FN1: variants seen among roughly 807,000 people sequenced by gnomAD.
FN1 encodes fibronectin.
In FN1, 106 loss-of-function variants were observed where a neutral mutation model predicts 297.3. The observed-to-expected ratio is 0.36, with a 90% CI of 0.30 to 0.42. The LOEUF is 0.42. Among genes scored for constraint, FN1 ranks in the 10% least tolerant of loss-of-function variants. The pLI is 1.00. For synonymous variants in FN1, 1,149 were observed against 1,152.6 expected (o/e 1.00, Z 0.06); for missense variants, 2,690 against 3,124.9 (o/e 0.86, Z 3.32).
In FN1 at chr2:215,401,238, GAAAGAAAGA is replaced by G. The variant is rs1468934882; in HGVS notation, c.3254-1896_3254-1888del. On this transcript the variant is annotated intron_variant, in intron 20 of 45. Coordinates refer to ENST00000354785, the MANE Select transcript of FN1 (RefSeq NM_212482.4). ...AGAAAGAAAGAAAGAAAGAAAGAAAGAAAGAAAGAAAGGAAGAAAGAAAGGAAGGAAAGG... is the reference window on the plus strand; with the variant it reads ...AGAAAGAAAGAAAGAAAGAAAGAAAGAAGGAAGAAAGAAAGGAAGGAAAGG... Among the ~76,000 whole-genome samples, 40 of 55,088 alleles carry G rather than the reference GAAAGAAAGA, an allele frequency of 7.3e-4. 1 individual carries two copies. Among genetic ancestry groups the G allele is most frequent in the Admixed American group, 1.1e-3 (6 of 5,394 alleles). 36.1% of individuals were successfully genotyped at this position (55,088 alleles called of 152,430 possible).
At chr2:215,414,794 A>G (rs2106350097) in intron 13 of FN1, 43 bp downstream of exon 13, 1 of 1,613,274 alleles carries the variant, frequency 6.2e-7, no homozygotes, top group Non-Finnish European at 8.5e-7. Flanking sequence ...AATTGATAAG[A>G]TTAGGAGACT....
chr2:215,376,681 A>C lies in FN1; in HGVS notation c.5711-7T>G. Reference sequence around the variant, plus strand: ...CTTCTTGGTGGGCTGACATCTGCACAGGAGCATAGCTAGAGATTAGTGCCT... The same window carrying C: ...CTTCTTGGTGGGCTGACATCTGCACCGGAGCATAGCTAGAGATTAGTGCCT... On this transcript the variant is annotated splice_region_variant and splice_polypyrimidine_tract_variant and intron_variant, in intron 35 of 45. Coordinates refer to ENST00000354785, the MANE Select transcript of FN1 (RefSeq NM_212482.4). 1 of 1,613,388 alleles carries C rather than the reference A, an allele frequency of 6.2e-7. No individual in the cohort carries two copies. Among genetic ancestry groups the C allele is most frequent in the Non-Finnish European group, 8.5e-7 (1 of 1,179,868 alleles).
chr2:215,401,532 A>G (rs2061170359), intron 20 of FN1, among the ~76,000 whole-genome samples: 1 of 152,186 alleles, frequency 6.6e-6, no homozygotes, highest in Admixed American at 6.5e-5. Context: ...TGACATCTCC[A>G]CAATTCTTCC....
chr2:215,431,536 A>C (rs191024487), intron 4 of FN1, among the ~76,000 whole-genome samples: 1 of 152,338 alleles, frequency 6.6e-6, no homozygotes, highest in Admixed American at 6.5e-5. Flanking sequence ...ATCTTGACGA[A>C]GGAGGAATCT....
intron 6 of FN1, among the ~76,000 whole-genome samples, chr2:215,427,419 G>A (rs2065659914): frequency 6.6e-6 from 1 of 152,144 alleles, no homozygotes; most frequent in African/African-American, 2.4e-5. Context: ...AATGAGAGGA[G>A]TGCACGTCCT....
In FN1 at chr2:215,361,588, A is replaced by C. The variant is rs757979640; in HGVS notation, c.7401T>G (p.Asp2467Glu). ...NCPIECFMPL[D>E]VQADREDSRE ...GGGAATCTTCTCTGTCAGCCTGTAC[A>C]TCTAAAGGCATGAAGCACTCAATTG... Residue 2467 changes from aspartate (D) to glutamate (E), a missense_variant, in exon 46 of 46, where the codon GAT becomes GAG. Transcript: ENST00000354785. The C allele has an allele frequency of 6.2e-7, 1 of 1,612,962 alleles. No individual in the cohort carries two copies. Among genetic ancestry groups the C allele is most frequent in the Non-Finnish European group, 8.5e-7 (1 of 1,178,912 alleles).
At chr2:215,372,755 C>T (rs1283067044) in intron 39 of FN1, among the ~76,000 whole-genome samples, 2 of 152,156 alleles carry the variant, frequency 1.3e-5, no homozygotes, top group Non-Finnish European at 2.9e-5. Flanking sequence ...CCAGACTAAT[C>T]ATATCAGTGT....
intron 16 of FN1, 49 bp downstream of exon 16, chr2:215,408,249 T>G: frequency 6.2e-7 from 1 of 1,613,710 alleles, no homozygotes; most frequent in Non-Finnish European, 8.5e-7. Context: ...ACTACAGGCC[T>G]GTGTTTTACA....
At position 215,371,997 on chromosome 2, in the gene FN1, TGAGA is replaced by T; in HGVS notation, c.6622_6625del (p.Ser2208ArgfsTer42). 2 of 1,614,226 alleles carry T rather than the reference TGAGA, an allele frequency of 1.2e-6. No homozygotes were observed. Among genetic ancestry groups the T allele is most frequent in the South Asian group, 2.2e-5 (2 of 91,092 alleles). ...GAATGGGGCCCATGAGATGGTTGTC[TGAGA>T]GAGAGCTTCTTGTCCTGTAGAGGCA... On this transcript the variant is annotated frameshift_variant, in exon 40 of 46. Transcript: ENST00000354785. LOFTEE classifies it high-confidence loss of function.
chr2:215,383,750 T>G (rs955550420), intron 30 of FN1, among the ~76,000 whole-genome samples: 4 of 152,240 alleles, frequency 2.6e-5, no homozygotes, highest in Non-Finnish European at 2.9e-5. Context: ...TCATCCATTC[T>G]TTTCCCACAA....
intron 38 of FN1, among the ~76,000 whole-genome samples, chr2:215,373,853 T>C (rs1317440759): frequency 6.6e-6 from 1 of 151,908 alleles, no homozygotes; most frequent in Non-Finnish European, 1.5e-5. Flanking sequence ...TAATTTTGTT[T>C]TTGTATTTTT....
In FN1 at chr2:215,404,344, A is replaced by C. The variant is rs753764348; in HGVS notation, c.3253+45T>G. 1.1e-5 allele frequency: 17 copies of C among 1,542,532 alleles called. No homozygotes were observed. The Admixed American group carries it at 2.8e-4, about 26-fold the overall frequency. ...TTTTGTTTTAAAGCATGAAGAATAGAGAATGTAAATATAGTTAAGAAAAGG... is the reference window on the plus strand; with the variant it reads ...TTTTGTTTTAAAGCATGAAGAATAGCGAATGTAAATATAGTTAAGAAAAGG... On this transcript the variant is annotated intron_variant, in intron 20 of 45. Coordinates refer to ENST00000354785, the MANE Select transcript of FN1 (RefSeq NM_212482.4).
Position 215,372,059 on chromosome 2 carries a change from G to A in FN1, c.6564C>T (p.His2188=), listed in dbSNP as rs372025250. The change falls in exon 40 of 46, where the codon CAC becomes CAT. Residue 2188 remains histidine, a synonymous_variant. Transcript: ENST00000354785. ...GHIPREDVDY[H]LYPHGPGLNP... ...TGAGTCCCGGACCGTGTGGGTACAGGTGATAGTCTACATCTTCCCTGGGGA... is the reference window on the plus strand; with the variant it reads ...TGAGTCCCGGACCGTGTGGGTACAGATGATAGTCTACATCTTCCCTGGGGA... 57 of 1,614,118 alleles carry A rather than the reference G, an allele frequency of 3.5e-5. No homozygotes were observed. The African/African-American group carries it at 6.9e-4, about 20-fold the overall frequency.
rs1359111744 is a variant in FN1, at chr2:215,372,130, T to C, written c.6493A>G (p.Arg2165Gly). Residue 2165 changes from arginine to glycine, a missense_variant, in exon 40 of 46, where the codon AGA (arginine) becomes GGA (glycine). Physicochemically the swap from Arg to Gly is moderately radical, Grantham distance 125. Coordinates refer to ENST00000354785, the MANE Select transcript of FN1 (RefSeq NM_212482.4). Reference protein sequence around the residue: ...TTATPIRHRPRPYPPNVGEEI... With the variant: ...TTATPIRHRPGPYPPNVGEEI... The stretch of plus-strand genomic sequence containing the variant: ...TCACCTACATTCGGCGGGTATGGTC[T>C]TGGCCTATGCCTTATGGGGGTGGCC... The C allele has an allele frequency of 4.3e-6, 7 of 1,614,122 alleles. No homozygotes were observed. The highest frequency in any genetic ancestry group is 1.7e-5 in the Admixed American group (1 of 60,006).
chr2:215,410,373 A>C (rs2062432891), intron 13 of FN1, among the ~76,000 whole-genome samples: 1 of 152,190 alleles, frequency 6.6e-6, no homozygotes, highest in Non-Finnish European at 1.5e-5. Flanking sequence ...CTGTTTACCT[A>C]CATTCTCCCA....
intron 13 of FN1, among the ~76,000 whole-genome samples, chr2:215,410,599 C>A (rs1304587655): frequency 1.3e-5 from 2 of 151,968 alleles, no homozygotes; most frequent in South Asian, 4.2e-4. Flanking sequence ...ACTCCACCTC[C>A]CAGGTTTAAG....
intron 32 of FN1, 117 bp from the exon 33 acceptor site, chr2:215,381,197 C>A: frequency 2.0e-6 from 2 of 1,012,632 alleles, no homozygotes; most frequent in Non-Finnish European, 3.1e-6. Flanking sequence ...TCCAATTAAC[C>A]CACTATCAAA....
rs1234548004 is a variant in FN1 at position 215,376,631 on chromosome 2, C to T, written c.5754G>A (p.Glu1918=). ...PRRARVTDAT[E]TTITISWRTK... Reference sequence around the variant, plus strand: ...TTCTCCAGCTAATGGTGATGGTGGTCTCAGTAGCATCTGTCACACGAGCCC... The same window carrying T: ...TTCTCCAGCTAATGGTGATGGTGGTTTCAGTAGCATCTGTCACACGAGCCC... Residue 1918 remains glutamate, a synonymous_variant, in exon 36 of 46, where the codon GAG becomes GAA. Coordinates refer to ENST00000354785, the MANE Select transcript of FN1 (RefSeq NM_212482.4). The T allele has an allele frequency of 6.2e-7, 1 of 1,613,868 alleles. No individual in the cohort carries two copies. Among genetic ancestry groups the T allele is most frequent in the Non-Finnish European group, 8.5e-7 (1 of 1,179,980 alleles).
rs1347763617 is a variant in FN1 at position 215,370,437 on chromosome 2, A to T, written c.6715-5T>A. The stretch of plus-strand genomic sequence containing the variant: ...AGAAGTTCCAGGAACCCTGAACTGC[A>T]ATTATCGGTACATCCAAAGCAGAGA... On this transcript the variant is annotated splice_region_variant and splice_polypyrimidine_tract_variant and intron_variant, in intron 40 of 45. Coordinates refer to ENST00000354785, the MANE Select transcript of FN1 (RefSeq NM_212482.4). 6.2e-7 allele frequency: 1 copy of T among 1,613,380 alleles called. No individual in the cohort carries two copies. The highest frequency in any genetic ancestry group is 8.5e-7 in the Non-Finnish European group (1 of 1,179,588).
Sources: gnomAD v4.1 joint callset for allele counts (sites outside exome capture counted in the v4.1 genomes callset) on GRCh38, gnomAD v4.1.1 for gene constraint, MANE v1.5 for transcripts, NCBI Gene and HGNC (gene_info 2026-07-23, HGNC 2026-07-21) for gene names.